GRM5: variants seen among roughly 807,000 people sequenced by gnomAD.
GRM5 encodes glutamate metabotropic receptor 5, also known as metabotropic glutamate receptor 5.
A neutral mutation model predicts 83.1 loss-of-function variants in GRM5; 19 were observed. That is an observed-to-expected ratio of 0.23 (90% CI 0.16 to 0.34). GRM5 has a LOEUF of 0.34. Ranked by LOEUF, GRM5 falls within the 10% of genes least tolerant of loss-of-function variation. The pLI, the probability that GRM5 is intolerant of heterozygous loss-of-function variation, is 1.00. For synonymous variants in GRM5, 675 were observed against 633.6 expected, an observed-to-expected ratio of 1.07 and a Z score of -0.98; for missense variants, 1,160 against 1,588.3, an observed-to-expected ratio of 0.73 and a Z score of 4.58.
intron 2 of GRM5, among the ~76,000 whole-genome samples, chr11:88,886,370 A>C (rs2135579283): frequency 6.6e-6 from 1 of 152,318 alleles, no homozygotes; most frequent in African/African-American, 2.4e-5. Flanking sequence ...AGCAGACTCC[A>C]ACTCTGTCCT....
At chr11:88,900,668 C>G (rs1945299497) in intron 2 of GRM5, among the ~76,000 whole-genome samples, 1 of 152,068 alleles carries the variant, frequency 6.6e-6, no homozygotes, top group South Asian at 2.1e-4. Flanking sequence ...TAGAGATCAT[C>G]TACTGTATAT....
At chr11:88,570,571 A>ATATATATATTTTTTTT (rs1405339448) in intron 7 of GRM5, among the ~76,000 whole-genome samples, 1 of 46,376 alleles carries the variant, frequency 2.2e-5, no homozygotes, top group African/African-American at 1.3e-4. Context: ...ATATATATAT[A>ATATATATATTTTTTTT]TTTTTTTTTT....
chr11:89,053,492 C>A (rs1269844880), intron 1 of GRM5, among the ~76,000 whole-genome samples: 1 of 152,154 alleles, frequency 6.6e-6, no homozygotes, highest in Non-Finnish European at 1.5e-5. Flanking sequence ...AATCTATCAG[C>A]ATCACTCATG....
At chr11:88,754,002 G>A (rs1018379924) in intron 3 of GRM5, among the ~76,000 whole-genome samples, 1 of 152,044 alleles carries the variant, frequency 6.6e-6, no homozygotes, top group African/African-American at 2.4e-5. Flanking sequence ...CTCCTGCTGG[G>A]TCCCTCCCAC....
intron 3 of GRM5, among the ~76,000 whole-genome samples, chr11:88,715,691 G>A (rs1285943128): frequency 6.6e-6 from 1 of 151,964 alleles, no homozygotes; most frequent in Non-Finnish European, 1.5e-5. Flanking sequence ...ATTTCAACAG[G>A]TATTTACTGT....
At chr11:88,563,556 C>T (rs573050176) in intron 8 of GRM5, among the ~76,000 whole-genome samples, 79 of 152,262 alleles carry the variant, frequency 5.2e-4, no homozygotes, top group African/African-American at 1.9e-3. Context: ...TCTTCATACA[C>T]CTGACAGAGG....
At chr11:88,632,195 G>A (rs1938992994) in intron 4 of GRM5, among the ~76,000 whole-genome samples, 1 of 149,186 alleles carries the variant, frequency 6.7e-6, no homozygotes, top group Non-Finnish European at 1.5e-5. Flanking sequence ...TGTCACTCTA[G>A]ATTACTTTGC....
chr11:88,956,039 A>T (rs1442226013), intron 2 of GRM5, among the ~76,000 whole-genome samples: 1 of 152,238 alleles, frequency 6.6e-6, no homozygotes, highest in African/African-American at 2.4e-5. Flanking sequence ...TGCTAACGTC[A>T]GATCAGCTTC....
At chr11:88,875,597 T>C (rs1944840049) in intron 2 of GRM5, among the ~76,000 whole-genome samples, 2 of 152,066 alleles carry the variant, frequency 1.3e-5, no homozygotes, top group South Asian at 4.1e-4. Flanking sequence ...TTTGCATAGA[T>C]TAATCTGAAG....
chr11:88,613,772 C>T (rs1287787298), intron 4 of GRM5, among the ~76,000 whole-genome samples: 1 of 152,166 alleles, frequency 6.6e-6, no homozygotes, highest in Non-Finnish European at 1.5e-5. Flanking sequence ...ACACTTCCTT[C>T]ATGAAGACCA....
At chr11:88,637,355 G>C (rs964369765) in intron 4 of GRM5, among the ~76,000 whole-genome samples, 2 of 151,050 alleles carry the variant, frequency 1.3e-5, no homozygotes, top group Non-Finnish European at 3.0e-5. Context: ...ACTACCATCA[G>C]AGTGAACAGG....
chr11:89,051,235 G>A (rs949547844), intron 1 of GRM5, among the ~76,000 whole-genome samples: 9 of 151,594 alleles, frequency 5.9e-5, no homozygotes, highest in South Asian at 4.2e-4. Context: ...CAGCCTGGGC[G>A]GCAGAGAGAC....
chr11:88,627,497 T>C (rs1010717922), intron 4 of GRM5, among the ~76,000 whole-genome samples: 1 of 152,150 alleles, frequency 6.6e-6, no homozygotes. Context: ...GATTCTTCAT[T>C]ACCACTGCAT....
chr11:88,957,120 A>C (rs1322793049), intron 2 of GRM5, among the ~76,000 whole-genome samples: 1 of 152,238 alleles, frequency 6.6e-6, no homozygotes. Context: ...TGTCAACGTA[A>C]GTTGGAGAAG....
At chr11:89,024,635 A>G (rs1941084602) in intron 2 of GRM5, among the ~76,000 whole-genome samples, 3 of 152,210 alleles carry the variant, frequency 2.0e-5, no homozygotes, top group Non-Finnish European at 4.4e-5. Context: ...TTTGTATTCT[A>G]TTATAATATA....
intron 8 of GRM5, among the ~76,000 whole-genome samples, chr11:88,558,317 T>G (rs962861626): frequency 7.9e-5 from 12 of 152,128 alleles, no homozygotes; most frequent in African/African-American, 2.9e-4. Context: ...CAGCCCCACA[T>G]TCGAAACAAC....
intron 3 of GRM5, among the ~76,000 whole-genome samples, chr11:88,820,607 G>T (rs746283423): frequency 2.0e-5 from 3 of 152,142 alleles, no homozygotes; most frequent in Non-Finnish European, 4.4e-5. Flanking sequence ...GCCTCTCAGA[G>T]CACTGAATTG....
intron 8 of GRM5, among the ~76,000 whole-genome samples, chr11:88,549,502 A>AAAC (rs951467022): frequency 6.6e-6 from 1 of 151,898 alleles, no homozygotes; most frequent in Admixed American, 6.6e-5. Context: ...CCCAGAGAAC[A>AAAC]AACAACAACA....
At chr11:88,886,200 A>G (rs761287996) in intron 2 of GRM5, among the ~76,000 whole-genome samples, 13 of 152,124 alleles carry the variant, frequency 8.5e-5, no homozygotes, top group Non-Finnish European at 1.5e-4. Context: ...TCTTCGGCCT[A>G]TTAAACCTTT....
Sources: allele counts gnomAD v4.1 joint callset (sites outside exome capture counted in the v4.1 genomes callset), GRCh38; gene constraint gnomAD v4.1.1; transcripts MANE v1.5; gene names NCBI Gene and HGNC (gene_info 2026-07-23, HGNC 2026-07-21).